Variants in CHPT1 observed in about 807,000 individuals in gnomAD.
CHPT1 encodes the protein choline phosphotransferase 1.
In CHPT1, 36 loss-of-function variants were observed where a neutral mutation model predicts 47.6. That is an observed-to-expected ratio of 0.76 (90% CI 0.58 to 1.00). The LOEUF (loss-of-function observed/expected upper bound fraction) is 1.00. Among genes scored for constraint, CHPT1 ranks in the 50% least tolerant of loss-of-function variants. The pLI, the probability that CHPT1 is intolerant of heterozygous loss-of-function variation, is 0.00. For missense variants in CHPT1, 458 were observed against 498.1 expected (o/e 0.92, Z 0.77); for synonymous variants, 194 against 186.3 (o/e 1.04, Z -0.33).
At chr12:101,717,274 G>T (rs1462849765) in intron 4 of CHPT1, 1 of 454,886 alleles carries the variant, frequency 2.2e-6, no homozygotes, top group Non-Finnish European at 4.4e-6. Context: ...TTTATTTTCT[G>T]CCTGCTTGGT....
chr12:101,705,972 C>T (rs1348872928), intron 1 of CHPT1, among the ~76,000 whole-genome samples: 2 of 151,872 alleles, frequency 1.3e-5, no homozygotes, highest in African/African-American at 2.4e-5. Flanking sequence ...GTGATCTGCC[C>T]GCCTCAGCCT....
chr12:101,723,508 T>C (rs1042440140), intron 6 of CHPT1, among the ~76,000 whole-genome samples, 182 bp downstream of exon 6: 10 of 152,214 alleles, frequency 6.6e-5, no homozygotes, highest in African/African-American at 2.2e-4. Context: ...TAGCTGTAGT[T>C]ATCATTTACA....
At position 101,698,058 on chromosome 12, in the gene CHPT1, T is replaced by A. The variant is rs749691045; in HGVS notation, c.197T>A (p.Ile66Asn). The change falls in exon 1 of 9, where the codon ATC becomes AAC. Residue 66 changes from isoleucine (I) to asparagine (N), a missense_variant. Transcript: ENST00000229266. ...WIPLWMAPNS[I>N]TLLGLAVNVV... is the part of the protein sequence containing the mutation. ...CCGCTCTGGATGGCCCCCAACTCCATCACCCTGCTGGGGCTCGCCGTCAAC... is the reference window on the plus strand; with the variant it reads ...CCGCTCTGGATGGCCCCCAACTCCAACACCCTGCTGGGGCTCGCCGTCAAC... The A allele has an allele frequency of 9.5e-6, 15 of 1,574,394 alleles. No individual in the cohort carries two copies. Among genetic ancestry groups the A allele is most frequent in the South Asian group, 1.1e-5 (1 of 87,706 alleles).
At chr12:101,717,083 AAAC>A (rs1951774472) in intron 4 of CHPT1, among the ~76,000 whole-genome samples, 2 of 152,270 alleles carry the variant, frequency 1.3e-5, no homozygotes, top group South Asian at 2.1e-4. Flanking sequence ...AATAAAACAA[AAAC>A]AACAACAAAA....
chr12:101,714,339 GT>G (rs1951734378), intron 2 of CHPT1, 102 bp downstream of exon 2: 2 of 1,200,686 alleles, frequency 1.7e-6, no homozygotes, highest in African/African-American at 3.1e-5. Flanking sequence ...GGGAGCAAAT[GT>G]ATGGAGTTGT....
At position 101,726,384 on chromosome 12, in the gene CHPT1, T is replaced by C. The variant is rs150107260; in HGVS notation, c.1156T>C (p.Cys386Arg). 6.2e-7 allele frequency: 1 copy of C among 1,612,972 alleles called. No individual in the cohort carries two copies. ...HLHLNIFKTA[C>R]HQAPEQVQVL... The stretch of plus-strand genomic sequence containing the variant: ...TCATCTAAATATATTCAAGACTGCA[T>C]GTCATCAAGCACCTGAACAGGTTCA... The change falls in exon 8 of 9, where the codon TGT (cysteine) becomes CGT (arginine). Residue 386 changes from cysteine (C) to arginine (R), a missense_variant. By Grantham distance (180) the Cys-to-Arg change is radical. Coordinates refer to ENST00000229266, the MANE Select transcript of CHPT1 (RefSeq NM_020244.3).
At position 101,697,945 on chromosome 12, in the gene CHPT1, A is replaced by T. The variant is rs1180382333; in HGVS notation, c.84A>T (p.Arg28=). The part of the protein sequence containing the change: ...SEPLSAAQLR[R]LEEHRYSAAG... The stretch of plus-strand genomic sequence containing the variant: ...CGCTGAGCGCGGCGCAGCTGCGGCG[A>T]CTGGAGGAGCACCGCTACAGCGCGG... Residue 28 remains arginine, a synonymous_variant, in exon 1 of 9, where the codon CGA becomes CGT. Transcript: ENST00000229266. The T allele has an allele frequency of 2.6e-6, 4 of 1,529,504 alleles. No individual in the cohort carries two copies. The highest frequency in any genetic ancestry group is 3.5e-6 in the Non-Finnish European group (4 of 1,148,320). 94.7% of individuals were successfully genotyped at this position (1,529,504 alleles called of 1,614,324 possible). A position where few individuals can be genotyped will look rare whatever the true frequency, so the allele number is the denominator to read the frequency against.
intron 4 of CHPT1, chr12:101,719,573 G>T (rs1017432986): frequency 1.7e-6 from 2 of 1,188,764 alleles, no homozygotes; most frequent in South Asian, 1.3e-5. Flanking sequence ...TGTTTTGCTT[G>T]CATACACATC....
At chr12:101,712,400 G>C (rs574279585) in intron 1 of CHPT1, among the ~76,000 whole-genome samples, 1 of 148,726 alleles carries the variant, frequency 6.7e-6, no homozygotes, top group South Asian at 2.1e-4. Flanking sequence ...TATTTATTCT[G>C]TTTGGGGTTT....
At chr12:101,701,624 T>C (rs1951556450) in intron 1 of CHPT1, among the ~76,000 whole-genome samples, 1 of 152,226 alleles carries the variant, frequency 6.6e-6, no homozygotes, top group Admixed American at 6.5e-5. Flanking sequence ...TGTGGATCTT[T>C]ACCGTTTTAT....
rs763278677 is a variant in CHPT1, at chr12:101,714,662, A to C, written c.563+17A>C. 5 of 1,588,262 alleles carry C rather than the reference A, an allele frequency of 3.1e-6. No homozygotes were observed. In the Admixed American group the frequency reaches 9.5e-5, roughly 30 times the overall value. The stretch of plus-strand genomic sequence containing the variant: ...ATTTGGAAAGTAAGTATGCTTTTTA[A>C]GTTGTACATTAAAAAATATAATTGA... On this transcript the variant is annotated intron_variant, in intron 3 of 8. Coordinates refer to ENST00000229266, the MANE Select transcript of CHPT1 (RefSeq NM_020244.3).
intron 1 of CHPT1, among the ~76,000 whole-genome samples, chr12:101,700,771 C>T (rs1951544129): frequency 6.6e-6 from 1 of 152,204 alleles, no homozygotes. Context: ...CCTCCTACCA[C>T]CTCAGTATTT....
chr12:101,699,639 C>T (rs1188582384), intron 1 of CHPT1, among the ~76,000 whole-genome samples: 4 of 152,142 alleles, frequency 2.6e-5, no homozygotes, highest in East Asian at 1.9e-4. Flanking sequence ...CCGCCTGCCT[C>T]GGCCTCCCAA....
intron 1 of CHPT1, among the ~76,000 whole-genome samples, chr12:101,710,507 C>T (rs1423071805): frequency 4.7e-5 from 7 of 148,872 alleles, no homozygotes; most frequent in African/African-American, 7.3e-5. Flanking sequence ...TGGTTTCTGC[C>T]TAGACTTCCT....
chr12:101,713,550 G>A (rs1186968477), intron 1 of CHPT1, among the ~76,000 whole-genome samples: 1 of 152,158 alleles, frequency 6.6e-6, no homozygotes, highest in Non-Finnish European at 1.5e-5. Context: ...AGCAGTCGCA[G>A]GGCTCATCTC....
intron 8 of CHPT1, chr12:101,727,171 T>A (rs1951968839): frequency 7.0e-6 from 1 of 142,354 alleles, no homozygotes; most frequent in Non-Finnish European, 1.5e-5. Context: ...TCAGTTGACA[T>A]GTAAGAAAAT....
Position 101,723,792 on chromosome 12 carries a change from T to C in CHPT1, c.1010T>C (p.Leu337Ser). The C allele has an allele frequency of 6.4e-7, 1 of 1,567,800 alleles. No homozygotes were observed. Among genetic ancestry groups the C allele is most frequent in the South Asian group, 1.1e-5 (1 of 88,950 alleles). ...TTTTTGGGGCCAGGTCTTTTGTTTT[T>C]AGACCAGTACTTTAATAACTTTATA... ...TVFLGPGLLF[L>S]DQYFNNFIDE... is the part of the protein sequence containing the mutation. Residue 337 changes from leucine (L) to serine (S), a missense_variant, in exon 7 of 9, where the codon TTA (leucine) becomes TCA (serine). Coordinates refer to ENST00000229266, the MANE Select transcript of CHPT1 (RefSeq NM_020244.3).
At chr12:101,722,931 A>G (rs1330726660) in intron 5 of CHPT1, among the ~76,000 whole-genome samples, 1 of 152,176 alleles carries the variant, frequency 6.6e-6, no homozygotes, top group Non-Finnish European at 1.5e-5. Flanking sequence ...GCCAGTTTAA[A>G]ACGTGTGTGA....
intron 8 of CHPT1, 145 bp from the exon 9 acceptor site, chr12:101,728,756 A>G: frequency 1.2e-6 from 1 of 867,314 alleles, no homozygotes; most frequent in Non-Finnish European, 1.7e-6. Flanking sequence ...GTTGCTAACT[A>G]ACTCATAACT....
Sources: allele counts gnomAD v4.1 joint callset (sites outside exome capture counted in the v4.1 genomes callset), GRCh38; gene constraint gnomAD v4.1.1; transcripts MANE v1.5; gene names NCBI Gene and HGNC (gene_info 2026-07-23, HGNC 2026-07-21).